DCDC2B: variants seen among roughly 807,000 people sequenced by gnomAD.
DCDC2B encodes the protein doublecortin domain-containing protein 2B.
DCDC2B carries 41 observed loss-of-function variants against 38.9 expected under a neutral mutation model. The observed-to-expected ratio is 1.05, with a 90% CI of 0.82 to 1.37. The LOEUF (loss-of-function observed/expected upper bound fraction) is 1.37, where lower values mean the gene tolerates loss of function less well. Ranked by LOEUF, DCDC2B falls within the 40% of genes most tolerant of loss-of-function variation. The pLI, the probability that DCDC2B is intolerant of heterozygous loss-of-function variation, is 0.00. For missense variants in DCDC2B, 453 were observed against 427.2 expected, an observed-to-expected ratio of 1.06 and a Z score of -0.53; for synonymous variants, 181 against 171.9, an observed-to-expected ratio of 1.05 and a Z score of -0.41.
chr1:32,209,378 G>C lies in DCDC2B; in HGVS notation c.266+19G>C. 1 of 1,611,904 alleles carries C rather than the reference G, an allele frequency of 6.2e-7. No individual in the cohort carries two copies. The stretch of plus-strand genomic sequence containing the variant: ...AGCTCCAGTGAGTGGGCTGGGGCTG[G>C]TCAAACAGCCTAGCAAGGGAGGTAA... On this transcript the variant is annotated intron_variant, in intron 1 of 8. Coordinates refer to ENST00000409358, the MANE Select transcript of DCDC2B (RefSeq NM_001099434.2).
Position 32,212,501 on chromosome 1 carries a change from T to TA in DCDC2B, c.540dup (p.Glu181ArgfsTer24). 3 of 1,613,900 alleles carry TA rather than the reference T, an allele frequency of 1.9e-6. No individual in the cohort carries two copies. The highest frequency in any genetic ancestry group is 1.7e-6 in the Non-Finnish European group (2 of 1,179,838). ...CCTCTCTCTCCCAGACTCTGCACCCTAGAGGGGCTCCCACTGTCAGCAGGG... is the reference window on the plus strand; with the variant it reads ...CCTCTCTCTCCCAGACTCTGCACCCTAAGAGGGGCTCCCACTGTCAGCAGGG... On this transcript the variant is annotated frameshift_variant, in exon 5 of 9. Transcript: ENST00000409358. LOFTEE classifies it high-confidence loss of function.
At position 32,214,933 on chromosome 1, in the gene DCDC2B, G is replaced by A; in HGVS notation, c.850+1G>A. 6.2e-7 allele frequency: 1 copy of A among 1,613,928 alleles called. No homozygotes were observed. The highest frequency in any genetic ancestry group is 8.5e-7 in the Non-Finnish European group (1 of 1,179,870). On this transcript the variant is annotated splice_donor_variant, in intron 7 of 8. Transcript: ENST00000409358. LOFTEE classifies it high-confidence loss of function. ...CTCCCCACACTCTCATTCCCATCAG[G>A]TGAGGGGTCCCTGGGGCTCAGGCCC...
chr1:32,215,012 T>C (rs1448218151), intron 7 of DCDC2B, 80 bp downstream of exon 7: 4 of 1,550,938 alleles, frequency 2.6e-6, no homozygotes, highest in Non-Finnish European at 3.5e-6. Flanking sequence ...TTGTTGGGGA[T>C]GTCCATGGGA....
intron 2 of DCDC2B, 108 bp from the exon 3 acceptor site, chr1:32,211,653 C>CT (rs1643589994): frequency 8.7e-7 from 1 of 1,149,236 alleles, no homozygotes; most frequent in East Asian, 2.6e-5. Flanking sequence ...TCCTCGCCCC[C>CT]TTCCTGCCCC....
rs144215209 is a variant in DCDC2B at position 32,212,063 on chromosome 1, G to A, written c.396-7G>A. ...GACACTCCCCCTTACCAGGCTTTTT[G>A]TCTCAGTGTGTTCAGGAATGGGGAC... On this transcript the variant is annotated splice_region_variant and splice_polypyrimidine_tract_variant and intron_variant, in intron 3 of 8. Transcript: ENST00000409358. 8.9e-5 allele frequency: 143 copies of A among 1,609,566 alleles called. No homozygotes were observed. The East Asian group carries it at 3.2e-3, about 35-fold the overall frequency.
chr1:32,211,275 T>C lies in DCDC2B; in HGVS notation c.270T>C (p.Tyr90=), dbSNP rs1643572132. The change falls in exon 2 of 9, where the codon TAT becomes TAC. Residue 90 remains tyrosine (Y), a synonymous_variant. Coordinates refer to ENST00000409358, the MANE Select transcript of DCDC2B (RefSeq NM_001099434.2). ...TGTGATCTATCTGTCCTTTCAGCTA[T>C]TTACCCCATAGAGGGAAGGACCCAG... The part of the protein sequence containing the change: ...AGFERFHKLH[Y]LPHRGKDPGG... 6.2e-7 allele frequency: 1 copy of C among 1,613,808 alleles called. No individual in the cohort carries two copies. The highest frequency in any genetic ancestry group is 8.5e-7 in the Non-Finnish European group (1 of 1,179,820).
At chr1:32,214,713 G>A in intron 6 of DCDC2B, 84 bp from the exon 7 acceptor site, 7 of 1,574,538 alleles carry the variant, frequency 4.4e-6, no homozygotes, top group Non-Finnish European at 6.0e-6. Context: ...GCAGGCGTCA[G>A]GGGCTCTCTG....
intron 2 of DCDC2B, 51 bp from the exon 3 acceptor site, chr1:32,211,710 C>A (rs1643591593): frequency 1.3e-6 from 2 of 1,555,508 alleles, no homozygotes; most frequent in Admixed American, 1.9e-5. Context: ...GGGCCCACCC[C>A]TAACCAAAGG....
At chr1:32,211,630 A>C in intron 2 of DCDC2B, 131 bp from the exon 3 acceptor site, 1 of 869,428 alleles carries the variant, frequency 1.2e-6, no homozygotes, top group Admixed American at 2.3e-5. Flanking sequence ...AAAGGTGTAA[A>C]CTGTCTTACT....
At chr1:32,210,479 C>A (rs527891640) in intron 1 of DCDC2B, among the ~76,000 whole-genome samples, 3 of 148,854 alleles carry the variant, frequency 2.0e-5, no homozygotes, top group East Asian at 4.0e-4. Flanking sequence ...GCCTGGGGGA[C>A]AGAGTGAGAC....
chr1:32,212,790 G>A lies in DCDC2B; in HGVS notation c.711G>A (p.Gln237=). ...PPGSKSRPHR[Q]GAQGHRAQVT... The stretch of plus-strand genomic sequence containing the variant: ...GCTCGAAGTCTAGGCCCCACAGGCA[G>A]GGGGTAGGTGACGCAGGGGACAATG... Residue 237 remains glutamine (Q), a synonymous_variant, in exon 6 of 9, where the codon CAG becomes CAA. Transcript: ENST00000409358. 1 of 1,613,756 alleles carries A rather than the reference G, an allele frequency of 6.2e-7. No homozygotes were observed. The highest frequency in any genetic ancestry group is 8.5e-7 in the Non-Finnish European group (1 of 1,179,860).
At chr1:32,214,768 AG>A in intron 6 of DCDC2B, 28 bp from the exon 7 acceptor site, 1 of 1,612,744 alleles carries the variant, frequency 6.2e-7, no homozygotes, top group East Asian at 2.2e-5. Flanking sequence ...GCCAGCAATC[AG>A]GGTCCAAGCC....
chr1:32,211,926 G>A (rs775789565), intron 3 of DCDC2B, 89 bp downstream of exon 3: 202 of 1,542,820 alleles, frequency 1.3e-4, no homozygotes, highest in Non-Finnish European at 1.7e-4. Flanking sequence ...GGAGCCTCTG[G>A]TTACTGTTGG....
At chr1:32,211,152 T>C in intron 1 of DCDC2B, 120 bp from the exon 2 acceptor site, 1 of 901,674 alleles carries the variant, frequency 1.1e-6, no homozygotes, top group Admixed American at 2.1e-5. Flanking sequence ...CTGAGATGAT[T>C]GCCACTATTC....
chr1:32,214,874 C>G lies in DCDC2B; in HGVS notation c.792C>G (p.Ala264=), dbSNP rs746327043. 1.2e-6 allele frequency: 2 copies of G among 1,613,946 alleles called. No homozygotes were observed. The highest frequency in any genetic ancestry group is 8.5e-7 in the Non-Finnish European group (1 of 1,179,890). The part of the protein sequence containing the change: ...PDRIKPSAFY[A]RPQQTIQPRS... ...GAATTAAGCCATCTGCTTTCTATGC[C>G]AGACCCCAGCAGACCATTCAGCCAA... Residue 264 remains alanine, a synonymous_variant, in exon 7 of 9, where the codon GCC becomes GCG. Transcript: ENST00000409358.
chr1:32,214,658 G>A (rs572759978), intron 6 of DCDC2B, 139 bp from the exon 7 acceptor site: 5 of 1,248,096 alleles, frequency 4.0e-6, no homozygotes, highest in Non-Finnish European at 5.5e-6. Flanking sequence ...AAGGAGGGAG[G>A]ACGTACTTTG....
At chr1:32,215,163 C>T (rs1473592534) in intron 7 of DCDC2B, 32 of 627,690 alleles carry the variant, frequency 5.1e-5, no homozygotes, top group Non-Finnish European at 7.9e-5. Context: ...CAGCTGCCCC[C>T]GTCTGTATAT....
Position 32,209,113 on chromosome 1 carries a change from C to CA in DCDC2B, c.21dup (p.Ala8SerfsTer76). Reference sequence around the variant, plus strand: ...TACACTATGGCAGGTGGCAGTCCAGCAGCCAAGAGGGTAGTGGTGTACCGG... The same window carrying CA: ...TACACTATGGCAGGTGGCAGTCCAGCAAGCCAAGAGGGTAGTGGTGTACCGG... On this transcript the variant is annotated frameshift_variant, in exon 1 of 9. Coordinates refer to ENST00000409358, the MANE Select transcript of DCDC2B (RefSeq NM_001099434.2). LOFTEE classifies it high-confidence loss of function. The CA allele has an allele frequency of 6.2e-7, 1 of 1,613,804 alleles. No individual in the cohort carries two copies. Among genetic ancestry groups the CA allele is most frequent in the Non-Finnish European group, 8.5e-7 (1 of 1,179,814 alleles).
rs763721557 is a variant in DCDC2B, at chr1:32,211,258, A to G, written c.267-14A>G. ...GTCTCCACAAGATGACCTGTGATCTATCTGTCCTTTCAGCTATTTACCCCA... is the reference window on the plus strand; with the variant it reads ...GTCTCCACAAGATGACCTGTGATCTGTCTGTCCTTTCAGCTATTTACCCCA... On this transcript the variant is annotated splice_polypyrimidine_tract_variant and intron_variant, in intron 1 of 8. Coordinates refer to ENST00000409358, the MANE Select transcript of DCDC2B (RefSeq NM_001099434.2). 1.3e-5 allele frequency: 21 copies of G among 1,613,594 alleles called. No individual in the cohort carries two copies. The East Asian group carries it at 4.0e-4, about 31-fold the overall frequency.
Sources: gnomAD v4.1 joint callset for allele counts (sites outside exome capture counted in the v4.1 genomes callset) on GRCh38, gnomAD v4.1.1 for gene constraint, MANE v1.5 for transcripts, NCBI Gene and HGNC (gene_info 2026-07-23, HGNC 2026-07-21) for gene names.